Variants in PTPRM observed in about 807,000 individuals in gnomAD.
The protein encoded by PTPRM is protein tyrosine phosphatase receptor type M.
In PTPRM, 47 loss-of-function variants were observed where a neutral mutation model predicts 186.7. That is an observed-to-expected ratio of 0.25 (90% confidence interval 0.20 to 0.32). The LOEUF (loss-of-function observed/expected upper bound fraction) is 0.32, where lower values mean the gene tolerates loss of function less well. Ranked by LOEUF, PTPRM falls within the 10% of genes least tolerant of loss-of-function variation. PTPRM has a pLI of 1.00. For synonymous variants in PTPRM, 668 were observed against 674.9 expected, an observed-to-expected ratio of 0.99 and a Z score of 0.16; for missense variants, 1,494 against 1,865.0, an observed-to-expected ratio of 0.80 and a Z score of 3.66.
intron 32 of PTPRM, among the ~76,000 whole-genome samples, chr18:8,398,394 A>G (rs914845590): frequency 3.3e-5 from 5 of 152,306 alleles, no homozygotes; most frequent in Middle Eastern, 3.4e-3. Context: ...AGTCTCTCCC[A>G]CATGGAGCTT....
At chr18:7,658,329 T>TC (rs1491405900) in intron 1 of PTPRM, among the ~76,000 whole-genome samples, 2 of 101,774 alleles carry the variant, frequency 2.0e-5, no homozygotes, top group African/African-American at 1.3e-4. Flanking sequence ...TTAAAGTAAA[T>TC]TTATATATAT....
intron 1 of PTPRM, among the ~76,000 whole-genome samples, chr18:7,653,880 G>T (rs532366043): frequency 6.6e-6 from 1 of 152,282 alleles, no homozygotes; most frequent in African/African-American, 2.4e-5. Flanking sequence ...TTAGGTCTTT[G>T]AGGGATCATC....
intron 1 of PTPRM, among the ~76,000 whole-genome samples, chr18:7,629,728 A>G (rs1422347722): frequency 6.6e-6 from 1 of 152,178 alleles, no homozygotes; most frequent in Non-Finnish European, 1.5e-5. Flanking sequence ...TTTAGCCTAG[A>G]GTAACATAGG....
chr18:8,030,512 C>T (rs563668745), intron 7 of PTPRM, among the ~76,000 whole-genome samples: 24 of 152,264 alleles, frequency 1.6e-4, no homozygotes, highest in Middle Eastern at 3.4e-3. Context: ...TTTCTTAGTG[C>T]GTGTTCCGAT....
At chr18:7,633,051 A>G (rs552198004) in intron 1 of PTPRM, among the ~76,000 whole-genome samples, 2 of 152,298 alleles carry the variant, frequency 1.3e-5, no homozygotes, top group East Asian at 3.9e-4. Context: ...TGAAGCAGAA[A>G]AACGGTAGAG....
At chr18:8,109,584 C>CT (rs1311720715) in intron 11 of PTPRM, among the ~76,000 whole-genome samples, 1 of 152,154 alleles carries the variant, frequency 6.6e-6, no homozygotes, top group African/African-American at 2.4e-5. Flanking sequence ...AAATTTTCAC[C>CT]TAATCCTCAT....
chr18:8,151,771 G>A (rs112246637), intron 14 of PTPRM, among the ~76,000 whole-genome samples: 6,067 of 151,580 alleles, frequency 0.04, 268 homozygotes, highest in African/African-American at 0.11. Context: ...CTTGAAACCC[G>A]GGGCCCTGGT....
intron 14 of PTPRM, among the ~76,000 whole-genome samples, chr18:8,200,381 G>T (rs902961274): frequency 6.6e-6 from 1 of 152,192 alleles, no homozygotes; most frequent in African/African-American, 2.4e-5. Context: ...TGCTAGATTA[G>T]CCTGAAGGTG....
At chr18:7,963,969 T>A (rs1800749092) in intron 7 of PTPRM, among the ~76,000 whole-genome samples, 2 of 152,186 alleles carry the variant, frequency 1.3e-5, no homozygotes, top group Admixed American at 6.5e-5. Flanking sequence ...ATCTACTAAA[T>A]CTGCTTTGAA....
chr18:8,134,068 C>G (rs1368042278), intron 13 of PTPRM, among the ~76,000 whole-genome samples: 1 of 152,184 alleles, frequency 6.6e-6, no homozygotes, highest in Non-Finnish European at 1.5e-5. Context: ...GAATAAACCT[C>G]CTTTGTAATT....
At chr18:7,657,009 C>G (rs867007710) in intron 1 of PTPRM, among the ~76,000 whole-genome samples, 1 of 152,152 alleles carries the variant, frequency 6.6e-6, no homozygotes, top group African/African-American at 2.4e-5. Flanking sequence ...TGGAAACTTT[C>G]TGCTTCTTAC....
chr18:7,870,207 G>A (rs538053788), intron 2 of PTPRM, among the ~76,000 whole-genome samples: 1 of 152,254 alleles, frequency 6.6e-6, no homozygotes, highest in African/African-American at 2.4e-5. Context: ...CATGTTTGTG[G>A]TAAGTTAAGG....
At chr18:8,185,165 TAA>T (rs5822995) in intron 14 of PTPRM, among the ~76,000 whole-genome samples, 16 of 150,748 alleles carry the variant, frequency 1.1e-4, no homozygotes, top group African/African-American at 3.4e-4. Flanking sequence ...TTAAAAAAAA[TAA>T]AAAAAAAAGA....
chr18:7,700,993 A>AAAAAAAAAAAAAAAG (rs10653685), intron 1 of PTPRM, among the ~76,000 whole-genome samples: 7 of 107,346 alleles, frequency 6.5e-5, no homozygotes, highest in Admixed American at 3.7e-4. Context: ...AAAAAAAAAA[A>AAAAAAAAAAAAAAAG]AAAGAAAGAA....
chr18:7,718,028 TACC>T (rs2040375282), intron 1 of PTPRM, among the ~76,000 whole-genome samples: 1 of 151,588 alleles, frequency 6.6e-6, no homozygotes, highest in Non-Finnish European at 1.5e-5. Flanking sequence ...CCTGCTTCAA[TACC>T]ATCATCATTC....
chr18:7,770,241 A>C lies in PTPRM; in HGVS notation c.74-3908A>C, dbSNP rs140778581. Among the ~76,000 whole-genome samples the C allele has an allele frequency of 3.7e-3, 565 of 152,228 alleles. 1 individual carries two copies. Among genetic ancestry groups the C allele is most frequent in the Non-Finnish European group, 6.6e-3 (448 of 68,014 alleles). On this transcript the variant is annotated intron_variant, in intron 1 of 32. Coordinates refer to ENST00000580170, the MANE Select transcript of PTPRM (RefSeq NM_001105244.2). ...GTGTTTCAGGGGACTTTGCCTCCTT[A>C]ACATATATTTTTCATTGTCCCCCAT...
intron 22 of PTPRM, among the ~76,000 whole-genome samples, chr18:8,331,533 C>A (rs2095412248): frequency 1.3e-5 from 2 of 152,204 alleles, no homozygotes; most frequent in Admixed American, 1.3e-4. Flanking sequence ...CTGCAAGTAA[C>A]CTCTCAATAG....
At chr18:8,044,109 C>T (rs944813118) in intron 7 of PTPRM, among the ~76,000 whole-genome samples, 3 of 152,104 alleles carry the variant, frequency 2.0e-5, no homozygotes, top group Non-Finnish European at 2.9e-5. Context: ...GATGAAGCCT[C>T]GAGCTTTTAG....
intron 2 of PTPRM, among the ~76,000 whole-genome samples, chr18:7,776,957 A>G (rs542060132): frequency 7.0e-6 from 1 of 142,410 alleles, no homozygotes; most frequent in South Asian, 2.4e-4. Flanking sequence ...AATGCTTCTT[A>G]GTTTCCAGGG....
Sources: allele counts gnomAD v4.1 joint callset (sites outside exome capture counted in the v4.1 genomes callset), GRCh38; gene constraint gnomAD v4.1.1; transcripts MANE v1.5; gene names NCBI Gene and HGNC (gene_info 2026-07-23, HGNC 2026-07-21).